CNTRL: variants seen among roughly 807,000 people sequenced by gnomAD.
The protein encoded by CNTRL is centriolin, also known as 110 kDa centrosomal protein.
A neutral mutation model predicts 303.7 loss-of-function variants in CNTRL; 233 were observed. That is an observed-to-expected ratio of 0.77 (90% CI 0.69 to 0.86). The LOEUF is 0.86. Ranked by LOEUF, CNTRL falls within the 40% of genes least tolerant of loss-of-function variation. The probability of loss-of-function intolerance (pLI) is 0.00; values close to 1 mark genes in which losing one functional copy is unlikely to be tolerated. For synonymous variants in CNTRL, 900 were observed against 922.2 expected (o/e 0.98, Z 0.44); for missense variants, 2,524 against 2,650.6 (o/e 0.95, Z 1.05).
intron 15 of CNTRL, among the ~76,000 whole-genome samples, chr9:121,136,616 C>G (rs937522210): frequency 6.6e-6 from 1 of 152,144 alleles, no homozygotes; most frequent in East Asian, 1.9e-4. Context: ...TGGCCGAGAC[C>G]TCTTTTAGGT....
At chr9:121,153,253 GT>G (rs1185324620) in intron 26 of CNTRL, among the ~76,000 whole-genome samples, 1 of 152,100 alleles carries the variant, frequency 6.6e-6, no homozygotes, top group Non-Finnish European at 1.5e-5. Flanking sequence ...AAATCTGACT[GT>G]TCCACTTTCC....
intron 2 of CNTRL, among the ~76,000 whole-genome samples, chr9:121,085,819 G>A (rs556412099): frequency 6.0e-4 from 91 of 152,322 alleles, no homozygotes; most frequent in African/African-American, 2.2e-3. Context: ...GATGACTAGA[G>A]CAATGGTATG....
chr9:121,157,842 C>A lies in CNTRL; in HGVS notation c.4599C>A (p.Phe1533Leu), dbSNP rs370538351. The change falls in exon 29 of 44, where the codon TTC becomes TTA. Residue 1533 changes from phenylalanine (F) to leucine (L), a missense_variant. Phe to Leu is a conservative substitution (Grantham distance 22). Transcript: ENST00000373855. ...NKIVAAKDSD[F>L]QCLSKKKEKL... The stretch of plus-strand genomic sequence containing the variant: ...TTGTAGCAGCAAAAGACTCAGACTT[C>A]CAATGTTTAAGCAAGAAGAAGGAAA... The A allele has an allele frequency of 1.9e-6, 3 of 1,614,006 alleles. No individual in the cohort carries two copies. The highest frequency in any genetic ancestry group is 3.3e-5 in the Admixed American group (2 of 59,996).
chr9:121,113,442 A>G, intron 9 of CNTRL, 60 bp from the exon 10 acceptor site: 1 of 893,264 alleles, frequency 1.1e-6, no homozygotes, highest in Non-Finnish European at 1.7e-6. Context: ...AAAATGAATA[A>G]TGTCATTTGA....
Position 121,125,811 on chromosome 9 carries a change from C to G in CNTRL, c.1900C>G (p.Gln634Glu). The G allele has an allele frequency of 1.2e-6, 2 of 1,614,206 alleles. No individual in the cohort carries two copies. The highest frequency in any genetic ancestry group is 2.2e-5 in the South Asian group (2 of 91,082). ...YLGTIKGQAT[Q>E]AQNECRKLRD... is the part of the protein sequence containing the mutation. ...GGGGACCATTAAAGGCCAGGCAACT[C>G]AGGCCCAGAATGAGTGCAGGAAGCT... The change falls in exon 14 of 44, where the codon CAG (glutamine) becomes GAG (glutamate). Residue 634 changes from glutamine (Q) to glutamate (E), a missense_variant. Transcript: ENST00000373855.
At chr9:121,129,609 A>G (rs1220676568) in intron 14 of CNTRL, among the ~76,000 whole-genome samples, 5 of 152,132 alleles carry the variant, frequency 3.3e-5, no homozygotes, top group Admixed American at 6.5e-5. Context: ...CTCTTTTCCT[A>G]ATTGAATACC....
intron 37 of CNTRL, 44 bp downstream of exon 37, chr9:121,167,721 C>A (rs1045027362): frequency 1.9e-6 from 3 of 1,540,642 alleles, no homozygotes; most frequent in African/African-American, 2.8e-5. Context: ...CATTTTGTGG[C>A]TCATGTGAGC....
chr9:121,080,192 T>C (rs2048086230), intron 1 of CNTRL, 114 bp from the exon 2 acceptor site: 1 of 151,950 alleles, frequency 6.6e-6, no homozygotes, highest in African/African-American at 2.4e-5. Flanking sequence ...AAGATCTTCA[T>C]CTGTAAAATG....
At position 121,169,605 on chromosome 9, in the gene CNTRL, T is replaced by C; in HGVS notation, c.6071-6T>C. On this transcript the variant is annotated splice_region_variant and splice_polypyrimidine_tract_variant and intron_variant, in intron 38 of 43. Coordinates refer to ENST00000373855, the MANE Select transcript of CNTRL (RefSeq NM_007018.6). ...TGGCTAAACCTACTGAAAATGCTCATTTCAGAACGGCAGCTTTCAGAAAGG... is the reference window on the plus strand; with the variant it reads ...TGGCTAAACCTACTGAAAATGCTCACTTCAGAACGGCAGCTTTCAGAAAGG... The C allele has an allele frequency of 1.2e-6, 2 of 1,613,978 alleles. No individual in the cohort carries two copies. Among genetic ancestry groups the C allele is most frequent in the Non-Finnish European group, 1.7e-6 (2 of 1,179,970 alleles).
Position 121,150,863 on chromosome 9 carries a change from G to A in CNTRL, c.3963+380G>A, listed in dbSNP as rs111500759. ...AATGTTTTCAGTCCAGAAATTTACC[G>A]TTTTTACAAAGCTTATGTATTTTTC... On this transcript the variant is annotated intron_variant, in intron 25 of 43. Coordinates refer to ENST00000373855, the MANE Select transcript of CNTRL (RefSeq NM_007018.6). 1.4e-3 allele frequency among the ~76,000 whole-genome samples: 211 copies of A among 152,262 alleles called. 1 individual carries two copies. Among genetic ancestry groups the A allele is most frequent in the Middle Eastern group, 6.8e-3 (2 of 294 alleles).
intron 31 of CNTRL, among the ~76,000 whole-genome samples, chr9:121,159,312 C>T (rs1021604746): frequency 6.6e-6 from 1 of 152,122 alleles, no homozygotes; most frequent in Non-Finnish European, 1.5e-5. Context: ...ACCTGTTTCT[C>T]ATGGCGCAGC....
intron 2 of CNTRL, 131 bp downstream of exon 2, chr9:121,080,609 G>A (rs2048100563): frequency 6.6e-6 from 1 of 152,188 alleles, no homozygotes. Flanking sequence ...ACTGAGTAAG[G>A]TTAGTGATCA....
intron 2 of CNTRL, among the ~76,000 whole-genome samples, chr9:121,083,258 CT>C (rs1469145535): frequency 6.6e-6 from 1 of 152,114 alleles, no homozygotes; most frequent in Non-Finnish European, 1.5e-5. Context: ...AAACTTTAAA[CT>C]TTTTAAAAAC....
At chr9:121,089,348 G>C (rs2048467415) in intron 3 of CNTRL, among the ~76,000 whole-genome samples, 1 of 152,026 alleles carries the variant, frequency 6.6e-6, no homozygotes, top group South Asian at 2.1e-4. Flanking sequence ...AATAATCTTA[G>C]AGAATCTTTG....
At chr9:121,117,995 A>G (rs2050060389) in intron 11 of CNTRL, among the ~76,000 whole-genome samples, 1 of 151,898 alleles carries the variant, frequency 6.6e-6, no homozygotes, top group Admixed American at 6.6e-5. Context: ...AAAAAAAAGT[A>G]TATAAAGAGT....
At position 121,125,857 on chromosome 9, in the gene CNTRL, T is replaced by G; in HGVS notation, c.1946T>G (p.Leu649Trp). ...AAGCTGCGGGATGAGAAAGAGACAT[T>G]GTTGCAGAGATTGACAGAAGTCGAG... is the stretch of plus-strand genomic sequence containing the variant. ...CRKLRDEKETLLQRLTEVEQE... is the reference protein window; with the variant it reads ...CRKLRDEKETWLQRLTEVEQE... The change falls in exon 14 of 44, where the codon TTG becomes TGG. Residue 649 changes from leucine to tryptophan, a missense_variant. Leu to Trp is a moderately conservative substitution (Grantham distance 61). Coordinates refer to ENST00000373855, the MANE Select transcript of CNTRL (RefSeq NM_007018.6). The G allele has an allele frequency of 6.2e-7, 1 of 1,614,154 alleles. No individual in the cohort carries two copies. Among genetic ancestry groups the G allele is most frequent in the Non-Finnish European group, 8.5e-7 (1 of 1,180,016 alleles).
In CNTRL at chr9:121,095,008, A is replaced by T. The variant is rs761727843; in HGVS notation, c.469A>T (p.Asn157Tyr). ...LKLRELNLSY[N>Y]KISKIEGIEN... ...ATTACGTGAACTCAACTTATCATATAACAAAATCAGGTGAGTTATATAACA... is the reference window on the plus strand; with the variant it reads ...ATTACGTGAACTCAACTTATCATATTACAAAATCAGGTGAGTTATATAACA... The change falls in exon 5 of 44, where the codon AAC becomes TAC. Residue 157 changes from asparagine (N) to tyrosine (Y), a missense_variant. Coordinates refer to ENST00000373855, the MANE Select transcript of CNTRL (RefSeq NM_007018.6). 1.9e-6 allele frequency: 3 copies of T among 1,601,086 alleles called. No individual in the cohort carries two copies. The highest frequency in any genetic ancestry group is 2.6e-6 in the Non-Finnish European group (3 of 1,175,250).
At chr9:121,093,097 G>A (rs773013440) in intron 4 of CNTRL, among the ~76,000 whole-genome samples, 16 of 151,624 alleles carry the variant, frequency 1.1e-4, no homozygotes, top group Non-Finnish European at 1.9e-4. Flanking sequence ...ATGAGCCACC[G>A]CGCCCTGCCA....
chr9:121,173,769 T>C (rs758387679), intron 42 of CNTRL, 32 bp downstream of exon 42: 3 of 1,595,736 alleles, frequency 1.9e-6, no homozygotes, highest in South Asian at 1.1e-5. Flanking sequence ...AAAATCAGTA[T>C]GAGATACTGG....
Sources: allele counts gnomAD v4.1 joint callset (sites outside exome capture counted in the v4.1 genomes callset), GRCh38; gene constraint gnomAD v4.1.1; transcripts MANE v1.5; gene names NCBI Gene and HGNC (gene_info 2026-07-23, HGNC 2026-07-21).